Variants in KIF6 observed in about 807,000 individuals in gnomAD.
KIF6 encodes kinesin-like protein KIF6.
Under a neutral mutation model 112.7 loss-of-function variants are expected in KIF6, and 106 were observed. The ratio of observed to expected loss-of-function variants is 0.94; its 90% confidence interval spans 0.80 to 1.11. The LOEUF (loss-of-function observed/expected upper bound fraction) is 1.11. Ranked by LOEUF, KIF6 falls within the 50% of genes least tolerant of loss-of-function variation. The pLI, the probability that KIF6 is intolerant of heterozygous loss-of-function variation, is 0.00. For missense variants in KIF6, 929 were observed against 964.0 expected, an observed-to-expected ratio of 0.96 and a Z score of 0.48; for synonymous variants, 339 against 339.9, an observed-to-expected ratio of 1.00 and a Z score of 0.03.
intron 16 of KIF6, among the ~76,000 whole-genome samples, chr6:39,375,214 G>A (rs372077325): frequency 7.8e-4 from 119 of 152,298 alleles, no homozygotes; most frequent in Middle Eastern, 6.8e-3. Context: ...TGGGAGGTCA[G>A]GAGAGGGAGA....
intron 15 of KIF6, among the ~76,000 whole-genome samples, chr6:39,400,477 C>A (rs1417726987): frequency 6.6e-6 from 1 of 152,186 alleles, no homozygotes; most frequent in Non-Finnish European, 1.5e-5. Context: ...CTGGCCAGGC[C>A]TTGTGGGCTC....
Position 39,596,109 on chromosome 6 carries a change from C to T in KIF6, c.791G>A (p.Gly264Asp), listed in dbSNP as rs1236802073. ...SERVAKTGVGGHLLTEAKYIN... is the reference protein window; with the variant it reads ...SERVAKTGVGDHLLTEAKYIN... ...ATACTTGGCCTCTGTTAGAAGATGG[C>T]CCCCTACTCCAGTCTTTGCAACTCG... Residue 264 changes from glycine (G) to aspartate (D), a missense_variant, in exon 7 of 23, where the codon GGC (glycine) becomes GAC (aspartate). Physicochemically the swap from Gly to Asp is moderately conservative, Grantham distance 94. Transcript: ENST00000287152. 13 of 1,613,950 alleles carry T rather than the reference C, an allele frequency of 8.1e-6. No individual in the cohort carries two copies. Among genetic ancestry groups the T allele is most frequent in the Non-Finnish European group, 1.1e-5 (13 of 1,179,950 alleles).
intron 13 of KIF6, among the ~76,000 whole-genome samples, chr6:39,537,817 T>C (rs1162390575): frequency 6.6e-6 from 1 of 152,118 alleles, no homozygotes; most frequent in East Asian, 1.9e-4. Flanking sequence ...CTTCAAACTA[T>C]ACTACAGGGC....
intron 1 of KIF6, among the ~76,000 whole-genome samples, chr6:39,724,221 C>A (rs1305405038): frequency 6.6e-6 from 1 of 152,108 alleles, no homozygotes; most frequent in East Asian, 1.9e-4. Context: ...GAGGCCGAGG[C>A]GGGCGGATCA....
chr6:39,526,044 A>T (rs1337454175), intron 13 of KIF6, among the ~76,000 whole-genome samples: 1 of 152,168 alleles, frequency 6.6e-6, no homozygotes, highest in Non-Finnish European at 1.5e-5. Context: ...TTTCCATTTC[A>T]GATTCATTCC....
intron 13 of KIF6, among the ~76,000 whole-genome samples, chr6:39,466,747 T>C (rs1242964647): frequency 6.6e-6 from 1 of 152,196 alleles, no homozygotes; most frequent in Non-Finnish European, 1.5e-5. Flanking sequence ...GCATAAGCTG[T>C]AGGCCAGGCA....
chr6:39,598,910 C>G (rs749156572), intron 6 of KIF6, among the ~76,000 whole-genome samples: 64 of 152,070 alleles, frequency 4.2e-4, no homozygotes, highest in African/African-American at 1.5e-3. Context: ...GCAATATTAT[C>G]TATTGTTCAT....
chr6:39,535,482 G>A (rs1386945659), intron 13 of KIF6, among the ~76,000 whole-genome samples: 2 of 152,164 alleles, frequency 1.3e-5, no homozygotes, highest in African/African-American at 2.4e-5. Flanking sequence ...TTACATAATG[G>A]TAAAGGGATC....
rs58687888 is a variant in KIF6 at position 39,332,889 on chromosome 6, C to T, written c.*3643G>A. 16,243 of 152,186 alleles carry T rather than the reference C, an allele frequency of 0.11. 936 individuals carry two copies. Among genetic ancestry groups the T allele is most frequent in the Middle Eastern group, 0.23 (67 of 294 alleles). The allele number at this position is 152,186 out of a possible 1,614,324, so 9.4% of individuals were successfully genotyped here. A position where few individuals can be genotyped will look rare whatever the true frequency, so the allele number is the denominator to read the frequency against. On this transcript the variant is annotated 3_prime_UTR_variant, in exon 23 of 23. Transcript: ENST00000287152. Reference sequence around the variant, plus strand: ...CTCCCTGGATTCCCAGCTCCATTTCCTCAACTCAGGGAAACCACTGGGCTC... The same window carrying T: ...CTCCCTGGATTCCCAGCTCCATTTCTTCAACTCAGGGAAACCACTGGGCTC...
At chr6:39,687,949 A>G (rs1787970886) in intron 3 of KIF6, among the ~76,000 whole-genome samples, 1 of 152,200 alleles carries the variant, frequency 6.6e-6, no homozygotes, top group Non-Finnish European at 1.5e-5. Flanking sequence ...TCTTGTGACA[A>G]AGATGTGTGT....
chr6:39,572,184 A>G (rs1038528570), intron 10 of KIF6, among the ~76,000 whole-genome samples: 6 of 152,280 alleles, frequency 3.9e-5, no homozygotes, highest in Non-Finnish European at 7.4e-5. Context: ...TCATTAAAAA[A>G]CTAATATGGG....
chr6:39,534,106 T>C (rs1204797765), intron 13 of KIF6, among the ~76,000 whole-genome samples: 2 of 151,674 alleles, frequency 1.3e-5, no homozygotes, highest in Non-Finnish European at 2.9e-5. Flanking sequence ...ACCACAAAGA[T>C]GGGGAAAAAA....
intron 13 of KIF6, among the ~76,000 whole-genome samples, chr6:39,492,132 ACC>A (rs1406368720): frequency 6.6e-6 from 1 of 152,162 alleles, no homozygotes; most frequent in East Asian, 1.9e-4. Flanking sequence ...TACCTCTCTG[ACC>A]CTTTAGACAG....
chr6:39,337,180 T>C (rs867757557), intron 22 of KIF6, among the ~76,000 whole-genome samples: 1 of 80,618 alleles, frequency 1.2e-5, no homozygotes, highest in Non-Finnish European at 2.1e-5. Flanking sequence ...TCCTTCTTTC[T>C]TTCTTTCTTT....
chr6:39,485,538 T>C (rs143897404), intron 13 of KIF6, among the ~76,000 whole-genome samples: 2 of 152,220 alleles, frequency 1.3e-5, no homozygotes, highest in African/African-American at 4.8e-5. Flanking sequence ...GCTTGACACA[T>C]AGTAGGCCAG....
At chr6:39,564,601 G>A (rs1440309359) in intron 10 of KIF6, among the ~76,000 whole-genome samples, 5 of 152,148 alleles carry the variant, frequency 3.3e-5, no homozygotes, top group African/African-American at 1.2e-4. Context: ...GAACACCAGA[G>A]GCAAAGGTGA....
chr6:39,539,325 T>C (rs1275199243), intron 13 of KIF6, among the ~76,000 whole-genome samples: 1 of 152,038 alleles, frequency 6.6e-6, no homozygotes, highest in Non-Finnish European at 1.5e-5. Context: ...TAATTTATTG[T>C]CATTTAAGTC....
At chr6:39,470,247 AAGTTCAG>A (rs201858802) in intron 13 of KIF6, among the ~76,000 whole-genome samples, 3,377 of 152,270 alleles carry the variant, frequency 0.022, 65 homozygotes, top group Non-Finnish European at 0.029. Flanking sequence ...TTAAAGTTCA[AAGTTCAG>A]AGGTCTAGGA....
chr6:39,465,818 C>T (rs946504945), intron 13 of KIF6, among the ~76,000 whole-genome samples: 1 of 152,160 alleles, frequency 6.6e-6, no homozygotes, highest in African/African-American at 2.4e-5. Flanking sequence ...TCAGACATAC[C>T]ATGATTTTGC....
Sources: gnomAD v4.1 joint callset for allele counts (sites outside exome capture counted in the v4.1 genomes callset) on GRCh38, gnomAD v4.1.1 for gene constraint, MANE v1.5 for transcripts, NCBI Gene and HGNC (gene_info 2026-07-23, HGNC 2026-07-21) for gene names.